The following LRP1B variants were observed in gnomAD, a reference collection of about 807,000 sequenced individuals.
LRP1B encodes LDL receptor related protein 1B, also known as low-density lipoprotein receptor-related protein 1B.
Under a neutral mutation model 556.6 loss-of-function variants are expected in LRP1B, and 217 were observed. That is an observed-to-expected ratio of 0.39 (90% CI 0.35 to 0.44). The LOEUF (loss-of-function observed/expected upper bound fraction) is 0.44. LRP1B is among the 20% of genes least tolerant of loss of function. The pLI is 1.00. For synonymous variants in LRP1B, 2,047 were observed against 1,865.8 expected (o/e 1.10, Z -2.50); for missense variants, 5,053 against 5,620.8 (o/e 0.90, Z 3.23).
intron 7 of LRP1B, among the ~76,000 whole-genome samples, chr2:141,159,327 T>G (rs1047897344): frequency 5.9e-5 from 9 of 152,166 alleles, no homozygotes; most frequent in Non-Finnish European, 8.8e-5. Context: ...ATTAGGGCAG[T>G]ATATGCTCAT....
intron 11 of LRP1B, among the ~76,000 whole-genome samples, 159 bp from the exon 12 acceptor site, chr2:141,020,261 T>C (rs999306486): frequency 5.9e-5 from 9 of 152,136 alleles, no homozygotes; most frequent in African/African-American, 2.2e-4. Flanking sequence ...GTCACTATTC[T>C]ATAGAATATT....
chr2:141,717,046 T>C (rs1248652412), intron 2 of LRP1B, among the ~76,000 whole-genome samples: 1 of 152,138 alleles, frequency 6.6e-6, no homozygotes, highest in Non-Finnish European at 1.5e-5. Context: ...TTCTCAGCAA[T>C]ATCTTCTCAT....
intron 3 of LRP1B, among the ~76,000 whole-genome samples, chr2:141,370,644 T>A (rs1334714660): frequency 6.6e-6 from 1 of 152,178 alleles, no homozygotes. Flanking sequence ...CAGAAGCTTT[T>A]TTGTTTAAAT....
At chr2:141,243,815 G>C (rs1683970185) in intron 5 of LRP1B, among the ~76,000 whole-genome samples, 1 of 152,212 alleles carries the variant, frequency 6.6e-6, no homozygotes, top group South Asian at 2.1e-4. Context: ...AAATTTGTCT[G>C]CATTACATGA....
At chr2:140,666,282 T>A (rs1454531394) in intron 41 of LRP1B, among the ~76,000 whole-genome samples, 1 of 140,146 alleles carries the variant, frequency 7.1e-6, no homozygotes, top group Non-Finnish European at 1.5e-5. Context: ...CAAAATTTTT[T>A]AATATGATCC....
At chr2:141,344,013 T>C (rs1344743386) in intron 3 of LRP1B, among the ~76,000 whole-genome samples, 1 of 152,212 alleles carries the variant, frequency 6.6e-6, no homozygotes, top group South Asian at 2.1e-4. Flanking sequence ...TTTCAGACAA[T>C]ATCTGAGGCG....
intron 3 of LRP1B, among the ~76,000 whole-genome samples, chr2:141,337,763 A>C (rs137971563): frequency 0.012 from 1,783 of 152,238 alleles, 23 homozygotes; most frequent in Middle Eastern, 0.02. Context: ...TCTTCTAATT[A>C]TGTGGTAAGA....
At chr2:140,363,924 C>T (rs555156446) in intron 72 of LRP1B, among the ~76,000 whole-genome samples, 5 of 151,398 alleles carry the variant, frequency 3.3e-5, no homozygotes, top group African/African-American at 9.7e-5. Flanking sequence ...AAAGTATAGG[C>T]GAAACTGCAT....
intron 3 of LRP1B, among the ~76,000 whole-genome samples, chr2:141,272,849 T>A (rs1230631656): frequency 6.6e-6 from 1 of 152,092 alleles, no homozygotes; most frequent in Non-Finnish European, 1.5e-5. Context: ...CAGGGAAATA[T>A]AGAGAATTCA....
intron 49 of LRP1B, among the ~76,000 whole-genome samples, chr2:140,518,747 T>A (rs1003698531): frequency 6.6e-6 from 1 of 152,132 alleles, no homozygotes; most frequent in Non-Finnish European, 1.5e-5. Context: ...TATTGGTGTA[T>A]AAGAATGCTT....
chr2:140,300,031 G>A (rs1433286316), intron 83 of LRP1B, among the ~76,000 whole-genome samples: 2 of 152,112 alleles, frequency 1.3e-5, no homozygotes, highest in Middle Eastern at 3.4e-3. Context: ...TGAGGTACTT[G>A]AAAATTCTTC....
intron 1 of LRP1B, among the ~76,000 whole-genome samples, chr2:141,981,165 G>A (rs1574556906): frequency 6.6e-6 from 1 of 152,058 alleles, no homozygotes. Context: ...GCCCAGATCA[G>A]TTATACAATC....
intron 60 of LRP1B, among the ~76,000 whole-genome samples, chr2:140,471,502 T>C (rs1019442227): frequency 9.2e-5 from 14 of 152,320 alleles, no homozygotes; most frequent in African/African-American, 3.1e-4. Flanking sequence ...TCAATAATAA[T>C]ATAAATCATT....
chr2:141,497,952 T>C (rs138238569), intron 2 of LRP1B, among the ~76,000 whole-genome samples: 2 of 146,692 alleles, frequency 1.4e-5, no homozygotes, highest in African/African-American at 5.1e-5. Flanking sequence ...CCTAACACAG[T>C]CATACGAAAA....
At chr2:141,485,236 T>C (rs1209084913) in intron 2 of LRP1B, among the ~76,000 whole-genome samples, 1 of 152,176 alleles carries the variant, frequency 6.6e-6, no homozygotes, top group Non-Finnish European at 1.5e-5. Flanking sequence ...TTGCCAGGAC[T>C]ACTGGGTAAC....
chr2:140,984,174 C>T (rs549257730), intron 17 of LRP1B, among the ~76,000 whole-genome samples: 1 of 151,760 alleles, frequency 6.6e-6, no homozygotes, highest in South Asian at 2.1e-4. Context: ...ATAATTTTTC[C>T]CTTACATATC....
intron 12 of LRP1B, among the ~76,000 whole-genome samples, chr2:141,016,665 G>C (rs1433243281): frequency 1.3e-5 from 2 of 151,986 alleles, no homozygotes; most frequent in Non-Finnish European, 2.9e-5. Flanking sequence ...TAGGAGAGGG[G>C]GTCTTGAACT....
At chr2:141,090,986 A>T (rs1323793370) in intron 7 of LRP1B, among the ~76,000 whole-genome samples, 6 of 152,214 alleles carry the variant, frequency 3.9e-5, no homozygotes, top group Admixed American at 3.9e-4. Flanking sequence ...GTTTCTGATA[A>T]CATTAATTTT....
intron 32 of LRP1B, among the ~76,000 whole-genome samples, chr2:140,803,260 GTTTTTTTTT>G (rs11352164): frequency 2.2e-4 from 22 of 102,242 alleles, no homozygotes; most frequent in African/African-American, 1.0e-3. Context: ...CCTATTGAAA[GTTTTTTTTT>G]TTTTTTTTTT....
Sources: allele counts gnomAD v4.1 joint callset (sites outside exome capture counted in the v4.1 genomes callset), GRCh38; gene constraint gnomAD v4.1.1; transcripts MANE v1.5; gene names NCBI Gene and HGNC (gene_info 2026-07-23, HGNC 2026-07-21).